Variants in FBXL2 observed in about 807,000 individuals in gnomAD.
FBXL2 encodes F-box and leucine rich repeat protein 2.
Under a neutral mutation model 69.2 loss-of-function variants are expected in FBXL2, and 38 were observed. That is an observed-to-expected ratio of 0.55 (90% confidence interval 0.42 to 0.72). The LOEUF is 0.72. FBXL2 is among the 30% of genes least tolerant of loss of function. The pLI is 0.00. For synonymous variants in FBXL2, 192 were observed against 201.3 expected, an observed-to-expected ratio of 0.95 and a Z score of 0.39; for missense variants, 354 against 520.3, an observed-to-expected ratio of 0.68 and a Z score of 3.11.
At chr3:33,286,036 T>C (rs2034577772) in intron 1 of FBXL2, among the ~76,000 whole-genome samples, 2 of 152,188 alleles carry the variant, frequency 1.3e-5, no homozygotes, top group African/African-American at 4.8e-5. Flanking sequence ...GAAGCCTTCT[T>C]CTCTCAAAGT....
chr3:33,353,372 G>C (rs572229327), intron 2 of FBXL2, among the ~76,000 whole-genome samples: 3 of 152,178 alleles, frequency 2.0e-5, no homozygotes, highest in Non-Finnish European at 4.4e-5. Context: ...CAAACTAGAA[G>C]CAACTAAGAT....
intron 4 of FBXL2, among the ~76,000 whole-genome samples, chr3:33,363,307 C>CA (rs1388045216): frequency 6.6e-6 from 1 of 152,228 alleles, no homozygotes; most frequent in East Asian, 1.9e-4. Flanking sequence ...TCCCAAAGTG[C>CA]AGGGATTACA....
chr3:33,300,852 G>A (rs1038868125), intron 2 of FBXL2, among the ~76,000 whole-genome samples: 1 of 150,088 alleles, frequency 6.7e-6, no homozygotes, highest in Non-Finnish European at 1.5e-5. Context: ...GGGACTACAG[G>A]TGCCCGCCAC....
chr3:33,277,972 C>A (rs550294398), intron 1 of FBXL2, among the ~76,000 whole-genome samples: 1 of 152,266 alleles, frequency 6.6e-6, no homozygotes, highest in South Asian at 2.1e-4. Context: ...CATATATCTT[C>A]CTTTCAAAAT....
intron 1 of FBXL2, 21 bp downstream of exon 1, chr3:33,277,536 T>A (rs752205709): frequency 3.9e-6 from 5 of 1,287,630 alleles, no homozygotes; most frequent in Non-Finnish European, 5.0e-6. Context: ...GACCCGCGTC[T>A]GCCTAGCTGC....
intron 13 of FBXL2, chr3:33,383,556 G>A: frequency 4.9e-6 from 1 of 205,590 alleles, no homozygotes; most frequent in Non-Finnish European, 1.0e-5. Context: ...AATGAACAAG[G>A]ACATTAGATG....
chr3:33,384,270 A>G (rs1324111444), intron 14 of FBXL2, 69 bp downstream of exon 14: 1 of 1,504,134 alleles, frequency 6.6e-7, no homozygotes, highest in Middle Eastern at 1.9e-4. Context: ...ATCAAGAATC[A>G]GACCGGGGCT....
chr3:33,400,732 A>G (rs1020343821), intron 12 of FBXL2, among the ~76,000 whole-genome samples: 5 of 152,172 alleles, frequency 3.3e-5, no homozygotes, highest in Non-Finnish European at 7.3e-5. Context: ...ACAAACATAC[A>G]ATAAAACAGA....
intron 4 of FBXL2, 54 bp downstream of exon 4, chr3:33,359,411 C>A: frequency 1.6e-6 from 2 of 1,254,858 alleles, no homozygotes; most frequent in South Asian, 1.3e-5. Flanking sequence ...AGTAGCTGTT[C>A]CCCCTTTCCT....
rs2043234103 is a variant in FBXL2, at chr3:33,383,974, G to A, written c.952-15G>A. On this transcript the variant is annotated splice_polypyrimidine_tract_variant and intron_variant, in intron 13 of 14. Transcript: ENST00000484457. ...AAGGGTCCTGCAAACATTTACTCAT[G>A]TCTTCCTGTTCCAGAGCCTGTCCCA... The A allele has an allele frequency of 6.2e-7, 1 of 1,612,782 alleles. No individual in the cohort carries two copies. The highest frequency in any genetic ancestry group is 1.1e-5 in the South Asian group (1 of 91,038).
chr3:33,294,140 AG>A (rs759737040), intron 1 of FBXL2, among the ~76,000 whole-genome samples: 2 of 152,202 alleles, frequency 1.3e-5, no homozygotes, highest in Admixed American at 6.5e-5. Context: ...TCTGTTGCCT[AG>A]GCTGGAGTGC....
chr3:33,312,266 C>T (rs2037279104), intron 2 of FBXL2, among the ~76,000 whole-genome samples: 1 of 152,046 alleles, frequency 6.6e-6, no homozygotes, highest in South Asian at 2.1e-4. Flanking sequence ...TCATATTGCC[C>T]AGGCTGGTCT....
the FBXL2 span, among the ~76,000 whole-genome samples, chr3:33,412,405 A>T: frequency 6.6e-6 from 1 of 151,906 alleles, no homozygotes; most frequent in African/African-American, 2.4e-5. Flanking sequence ...GTATGTATAT[A>T]TAGAAAACAA....
At chr3:33,306,993 G>C (rs1287826536) in intron 2 of FBXL2, among the ~76,000 whole-genome samples, 1 of 152,074 alleles carries the variant, frequency 6.6e-6, no homozygotes, top group African/African-American at 2.4e-5. Flanking sequence ...TGGGGGAAAT[G>C]CTTGATTCTA....
intron 5 of FBXL2, among the ~76,000 whole-genome samples, chr3:33,365,711 G>A (rs1575354551): frequency 6.8e-6 from 1 of 147,546 alleles, no homozygotes; most frequent in East Asian, 2.1e-4. Flanking sequence ...AGCAAAATGA[G>A]ACTCTTCGAC....
At chr3:33,366,692 C>T (rs1441048089) in intron 5 of FBXL2, among the ~76,000 whole-genome samples, 1 of 152,140 alleles carries the variant, frequency 6.6e-6, no homozygotes, top group East Asian at 1.9e-4. Flanking sequence ...TGGCTGGGTG[C>T]GGTGGCTCAT....
At chr3:33,375,241 T>C in intron 9 of FBXL2, 47 bp from the exon 10 acceptor site, 1 of 1,590,606 alleles carries the variant, frequency 6.3e-7, no homozygotes, top group Non-Finnish European at 8.6e-7. Flanking sequence ...CCCGTTTTGG[T>C]ATTGCTGGTG....
downstream of FBXL2, chr3:33,390,270 T>C: frequency 1.3e-6 from 2 of 1,522,150 alleles, no homozygotes; most frequent in Non-Finnish European, 1.8e-6. Context: ...TTGGATTCAG[T>C]CTTCACACAC....
chr3:33,318,772 A>G (rs2037937073), intron 2 of FBXL2, among the ~76,000 whole-genome samples: 1 of 152,128 alleles, frequency 6.6e-6, no homozygotes, highest in African/African-American at 2.4e-5. Context: ...AACTAATAGA[A>G]TTCGGTGTGT....
Sources: allele counts gnomAD v4.1 joint callset (sites outside exome capture counted in the v4.1 genomes callset), GRCh38; gene constraint gnomAD v4.1.1; transcripts MANE v1.5; gene names NCBI Gene and HGNC (gene_info 2026-07-23, HGNC 2026-07-21).